The following NRXN1 variants were observed in gnomAD, a reference collection of about 807,000 sequenced individuals.
NRXN1 encodes neurexin 1.
Under a neutral mutation model 150.9 loss-of-function variants are expected in NRXN1, and 39 were observed. The observed-to-expected ratio is 0.26, with a 90% CI of 0.20 to 0.34. The LOEUF is 0.34. Among genes scored for constraint, NRXN1 ranks in the 10% least tolerant of loss-of-function variants. The pLI is 1.00. For missense variants in NRXN1, 1,815 were observed against 1,949.9 expected, an observed-to-expected ratio of 0.93 and a Z score of 1.30; for synonymous variants, 924 against 757.0, an observed-to-expected ratio of 1.22 and a Z score of -3.62.
At chr2:50,392,426 T>C (rs1448750458) in intron 17 of NRXN1, among the ~76,000 whole-genome samples, 2 of 152,120 alleles carry the variant, frequency 1.3e-5, no homozygotes, top group Non-Finnish European at 2.9e-5. Flanking sequence ...TGCCAGATGA[T>C]AGGATCATAG....
In NRXN1 at chr2:50,873,959, CA is replaced by C. The variant is rs146120134; in HGVS notation, c.832+47909del. Among the ~76,000 whole-genome samples, 1,356 of 151,914 alleles carry C rather than the reference CA, an allele frequency of 8.9e-3. 5 individuals are homozygous for C. The highest frequency in any genetic ancestry group is 0.014 in the Middle Eastern group (4 of 294). On this transcript the variant is annotated intron_variant, in intron 5 of 22. Transcript: ENST00000401669. ...CAGCCCACCCCATTGGTTTGTGACCCAAATGTTTTTAAATACCTTAATTCAA... is the reference window on the plus strand; with the variant it reads ...CAGCCCACCCCATTGGTTTGTGACCCAATGTTTTTAAATACCTTAATTCAA...
rs1685165981 is a variant in NRXN1, at chr2:50,648,755, T to A, written c.833-25140A>T. ...TTTGGGTTCAGCAAACAGCCGGTCA[T>A]CACTTCTACCCCATGCTTCTACCCC... is the stretch of plus-strand genomic sequence containing the variant. On this transcript the variant is annotated intron_variant, in intron 5 of 22. Coordinates refer to ENST00000401669, the MANE Select transcript of NRXN1 (RefSeq NM_001330078.2). 2.0e-5 allele frequency among the ~76,000 whole-genome samples: 3 copies of A among 151,920 alleles called. No homozygotes were observed. In the South Asian group the frequency reaches 6.2e-4, roughly 31 times the overall value.
chr2:49,983,751 T>C (rs915687541), intron 21 of NRXN1, among the ~76,000 whole-genome samples: 5 of 152,222 alleles, frequency 3.3e-5, no homozygotes, highest in Admixed American at 2.6e-4. Context: ...GTAGATGGAA[T>C]AAATGTTTTA....
chr2:50,588,421 T>G (rs1673527471), intron 8 of NRXN1, among the ~76,000 whole-genome samples: 1 of 152,106 alleles, frequency 6.6e-6, no homozygotes, highest in Non-Finnish European at 1.5e-5. Flanking sequence ...ATGGGAAGTG[T>G]GTAGAACATA....
At chr2:50,637,887 T>A (rs556209606) in intron 5 of NRXN1, among the ~76,000 whole-genome samples, 213 of 151,180 alleles carry the variant, frequency 1.4e-3, no homozygotes, top group South Asian at 3.1e-3. Flanking sequence ...AAAAAAAAAA[T>A]TTTCCTAGGA....
intron 17 of NRXN1, among the ~76,000 whole-genome samples, chr2:50,299,644 T>C (rs2073972561): frequency 6.6e-6 from 1 of 152,192 alleles, no homozygotes; most frequent in Non-Finnish European, 1.5e-5. Context: ...GCCCTTGTTT[T>C]GTCTGAACTT....
chr2:50,562,767 C>G (rs1418528480), intron 8 of NRXN1, among the ~76,000 whole-genome samples: 5 of 151,990 alleles, frequency 3.3e-5, no homozygotes, highest in African/African-American at 4.8e-5. Flanking sequence ...TAAGGCCTAC[C>G]ACATATTAAA....
At chr2:50,679,284 A>G (rs1690010124) in intron 5 of NRXN1, among the ~76,000 whole-genome samples, 1 of 152,144 alleles carries the variant, frequency 6.6e-6, no homozygotes, top group Admixed American at 6.6e-5. Flanking sequence ...TTCTTGGAGT[A>G]TGGGACAAAG....
At chr2:50,081,303 G>T (rs115776759) in intron 19 of NRXN1, among the ~76,000 whole-genome samples, 2,187 of 152,268 alleles carry the variant, frequency 0.014, 51 homozygotes, top group African/African-American at 0.051. Context: ...TCCTGGCCAG[G>T]CGCAGTGGCT....
chr2:50,243,942 T>C (rs2066270383), intron 17 of NRXN1, among the ~76,000 whole-genome samples: 1 of 151,878 alleles, frequency 6.6e-6, no homozygotes, highest in African/African-American at 2.4e-5. Flanking sequence ...GTTACTGTGA[T>C]TCCAATGAGG....
chr2:50,920,096 TACTC>T, intron 5 of NRXN1: 1 of 231,638 alleles, frequency 4.3e-6, no homozygotes, highest in South Asian at 4.6e-5. Flanking sequence ...ATTTGCAAAA[TACTC>T]AAGTCCATCT....
At chr2:50,487,774 C>G (rs942200788) in intron 15 of NRXN1, among the ~76,000 whole-genome samples, 53 of 152,162 alleles carry the variant, frequency 3.5e-4, no homozygotes, top group African/African-American at 1.2e-3. Context: ...ATATAGTAAA[C>G]AACTGTAACA....
At chr2:50,451,500 G>T (rs537768447) in intron 17 of NRXN1, among the ~76,000 whole-genome samples, 1 of 152,274 alleles carries the variant, frequency 6.6e-6, no homozygotes, top group South Asian at 2.1e-4. Context: ...ACAGGAGGCA[G>T]ACCTGCAGAT....
chr2:50,526,114 G>C (rs867626337), intron 12 of NRXN1, among the ~76,000 whole-genome samples: 2 of 152,134 alleles, frequency 1.3e-5, no homozygotes, highest in African/African-American at 4.8e-5. Context: ...CTTGGCGGTG[G>C]GGTAGGGAAA....
At chr2:50,956,903 G>A (rs1692374800) in intron 2 of NRXN1, among the ~76,000 whole-genome samples, 2 of 152,026 alleles carry the variant, frequency 1.3e-5, no homozygotes, top group Admixed American at 6.6e-5. Flanking sequence ...CTCAAGGATG[G>A]GAAGATCAGG....
chr2:50,139,743 C>G (rs1053619931), intron 18 of NRXN1, among the ~76,000 whole-genome samples: 1 of 152,038 alleles, frequency 6.6e-6, no homozygotes, highest in South Asian at 2.1e-4. Flanking sequence ...TCTTCTTACT[C>G]GACTAGTCAC....
At chr2:50,425,865 G>T (rs574219132) in intron 17 of NRXN1, among the ~76,000 whole-genome samples, 1 of 151,994 alleles carries the variant, frequency 6.6e-6, no homozygotes, top group Non-Finnish European at 1.5e-5. Context: ...TCTTTCCTAC[G>T]GGACCTTGAA....
chr2:50,246,369 G>C (rs1022318734), intron 17 of NRXN1, among the ~76,000 whole-genome samples: 1 of 151,950 alleles, frequency 6.6e-6, no homozygotes, highest in Non-Finnish European at 1.5e-5. Flanking sequence ...CAAAAGAATA[G>C]GTATTTATTT....
chr2:49,968,363 T>A (rs950007963), intron 21 of NRXN1, among the ~76,000 whole-genome samples: 2 of 152,100 alleles, frequency 1.3e-5, no homozygotes, highest in African/African-American at 2.4e-5. Flanking sequence ...AATATGCAGA[T>A]GACTTTTAAA....
Sources: gnomAD v4.1 joint callset for allele counts (sites outside exome capture counted in the v4.1 genomes callset) on GRCh38, gnomAD v4.1.1 for gene constraint, MANE v1.5 for transcripts, NCBI Gene and HGNC (gene_info 2026-07-23, HGNC 2026-07-21) for gene names.